The following SCHIP1 variants were observed in gnomAD, a reference collection of about 807,000 sequenced individuals.
The protein encoded by SCHIP1 is schwannomin-interacting protein 1.
In SCHIP1, 8 loss-of-function variants were observed where a neutral mutation model predicts 29.7. The observed-to-expected ratio is 0.27, with a 90% CI of 0.16 to 0.49. SCHIP1 has a LOEUF of 0.49. SCHIP1 is among the 20% of genes least tolerant of loss of function. The probability of loss-of-function intolerance (pLI) is 0.99; values close to 1 mark genes in which losing one functional copy is unlikely to be tolerated. For missense variants in SCHIP1, 193 were observed against 294.6 expected (o/e 0.66, Z 2.52); for synonymous variants, 76 against 94.9 (o/e 0.80, Z 1.16).
At chr3:159,749,171 G>A in the SCHIP1 span, among the ~76,000 whole-genome samples, 1 of 151,904 alleles carries the variant, frequency 6.6e-6, no homozygotes, top group Admixed American at 6.6e-5. Flanking sequence ...GTTACTGGGG[G>A]AGAGGAAATG....
At chr3:159,622,102 A>G in the SCHIP1 span, among the ~76,000 whole-genome samples, 2 of 152,210 alleles carry the variant, frequency 1.3e-5, no homozygotes, top group African/African-American at 4.8e-5. Flanking sequence ...GAGATTCACA[A>G]GGCAATTCCA....
At chr3:159,425,500 A>T in the SCHIP1 span, among the ~76,000 whole-genome samples, 1 of 152,134 alleles carries the variant, frequency 6.6e-6, no homozygotes, top group Admixed American at 6.5e-5. Flanking sequence ...AACTATCCTA[A>T]ATATATATGC....
chr3:159,468,945 T>C, the SCHIP1 span, among the ~76,000 whole-genome samples: 1 of 151,568 alleles, frequency 6.6e-6, no homozygotes, highest in East Asian at 1.9e-4. Flanking sequence ...TTTTTGTATA[T>C]TTAGTAAAGA....
chr3:159,814,294 A>G, the SCHIP1 span, among the ~76,000 whole-genome samples: 2 of 152,190 alleles, frequency 1.3e-5, no homozygotes, highest in African/African-American at 4.8e-5. Flanking sequence ...TTGCAGCTGC[A>G]TCAGAATTCA....
At chr3:159,284,003 C>T in the SCHIP1 span, among the ~76,000 whole-genome samples, 2 of 152,040 alleles carry the variant, frequency 1.3e-5, no homozygotes, top group Non-Finnish European at 1.5e-5. Flanking sequence ...TGCTTAAAAA[C>T]GAAATTCACC....
At chr3:159,438,109 A>T in the SCHIP1 span, among the ~76,000 whole-genome samples, 3 of 152,160 alleles carry the variant, frequency 2.0e-5, no homozygotes, top group African/African-American at 7.2e-5. Context: ...CATTGTCTAG[A>T]TCAGGATTTT....
chr3:159,461,310 C>T, the SCHIP1 span, among the ~76,000 whole-genome samples: 1 of 152,024 alleles, frequency 6.6e-6, no homozygotes, highest in Non-Finnish European at 1.5e-5. Flanking sequence ...CCATACCTAC[C>T]ACTTAACTGC....
the SCHIP1 span, among the ~76,000 whole-genome samples, chr3:159,435,296 G>A: frequency 2.0e-5 from 3 of 152,136 alleles, no homozygotes. Flanking sequence ...AGGATTTGAG[G>A]TGAATGTTCT....
At chr3:159,342,118 C>T in the SCHIP1 span, among the ~76,000 whole-genome samples, 35 of 152,270 alleles carry the variant, frequency 2.3e-4, no homozygotes, top group Non-Finnish European at 4.3e-4. Context: ...TTGCTTCACA[C>T]TGTGGGTCTT....
the SCHIP1 span, among the ~76,000 whole-genome samples, chr3:159,567,043 A>G: frequency 0.29 from 44,097 of 152,084 alleles, 10,804 homozygotes; most frequent in African/African-American, 0.66. Context: ...GGTATCTATC[A>G]CAGTTTCAAG....
the SCHIP1 span, among the ~76,000 whole-genome samples, chr3:159,830,914 T>G: frequency 2.0e-5 from 3 of 152,232 alleles, no homozygotes; most frequent in African/African-American, 7.2e-5. Flanking sequence ...GACCTTGAGT[T>G]ACACAATATT....
the SCHIP1 span, among the ~76,000 whole-genome samples, chr3:159,366,267 G>A: frequency 2.0e-5 from 3 of 151,994 alleles, no homozygotes; most frequent in Non-Finnish European, 4.4e-5. Flanking sequence ...CCACCAAGAC[G>A]ATGGCCCAAA....
the SCHIP1 span, among the ~76,000 whole-genome samples, chr3:159,347,394 A>G: frequency 2.0e-5 from 3 of 152,192 alleles, no homozygotes; most frequent in Non-Finnish European, 1.5e-5. Context: ...TGGATGTGTG[A>G]CTTGGGTGAA....
chr3:159,346,268 G>GT, the SCHIP1 span, among the ~76,000 whole-genome samples: 93 of 133,240 alleles, frequency 7.0e-4, no homozygotes, highest in African/African-American at 1.2e-3. Context: ...ACCCTTTCAG[G>GT]TTTTTTTTTT....
the SCHIP1 span, among the ~76,000 whole-genome samples, chr3:159,524,257 C>G: frequency 6.6e-6 from 1 of 152,232 alleles, no homozygotes; most frequent in Non-Finnish European, 1.5e-5. Context: ...GGACAAAAGA[C>G]TGGTTTCACA....
chr3:159,736,936 A>G, the SCHIP1 span, among the ~76,000 whole-genome samples: 29,827 of 151,444 alleles, frequency 0.2, 4,423 homozygotes, highest in African/African-American at 0.42. Context: ...GGGTTTCACC[A>G]TGTTAGCCAG....
At chr3:159,404,140 ACTTGCTGTGGGC>A in the SCHIP1 span, among the ~76,000 whole-genome samples, 14 of 152,322 alleles carry the variant, frequency 9.2e-5, no homozygotes, top group African/African-American at 3.1e-4. Flanking sequence ...GCCAGGCAGT[ACTTGCTGTGGGC>A]CTTGGGTAAG....
the SCHIP1 span, among the ~76,000 whole-genome samples, chr3:159,452,459 G>T: frequency 6.6e-6 from 1 of 152,104 alleles, no homozygotes; most frequent in Non-Finnish European, 1.5e-5. Context: ...CTTCGTCCCT[G>T]TCCCTGCAAA....
chr3:159,575,979 A>G, the SCHIP1 span, among the ~76,000 whole-genome samples: 6 of 152,212 alleles, frequency 3.9e-5, no homozygotes, highest in African/African-American at 7.2e-5. Context: ...TCATATTTCA[A>G]TGTGTTCTAG....
Sources: allele counts gnomAD v4.1 joint callset (sites outside exome capture counted in the v4.1 genomes callset), GRCh38; gene constraint gnomAD v4.1.1; transcripts MANE v1.5; gene names NCBI Gene and HGNC (gene_info 2026-07-23, HGNC 2026-07-21).